Variants in ASIC2 observed in about 807,000 individuals in gnomAD.
ASIC2 encodes acid sensing ion channel subunit 2.
In ASIC2, 25 loss-of-function variants were observed where a neutral mutation model predicts 57.3. The ratio of observed to expected loss-of-function variants is 0.44; its 90% CI spans 0.32 to 0.61. The LOEUF is 0.61. Ranked by LOEUF, ASIC2 falls within the 20% of genes least tolerant of loss-of-function variation. The probability of loss-of-function intolerance (pLI) is 0.06; values close to 1 mark genes in which losing one functional copy is unlikely to be tolerated. For synonymous variants in ASIC2, 319 were observed against 307.5 expected (o/e 1.04, Z -0.39); for missense variants, 641 against 738.1 (o/e 0.87, Z 1.52).
chr17:33,490,864 A>C (rs1913733697), intron 1 of ASIC2, among the ~76,000 whole-genome samples: 1 of 152,132 alleles, frequency 6.6e-6, no homozygotes, highest in South Asian at 2.1e-4. Context: ...TTCGCCGGGG[A>C]TAATCAAAAT....
intron 2 of ASIC2, among the ~76,000 whole-genome samples, chr17:33,102,480 A>G (rs1315227244): frequency 6.6e-6 from 1 of 152,170 alleles, no homozygotes; most frequent in Non-Finnish European, 1.5e-5. Flanking sequence ...GCTATTGCAG[A>G]CAGGAGTTGG....
At chr17:33,929,863 C>T (rs1915894432) in intron 1 of ASIC2, among the ~76,000 whole-genome samples, 1 of 152,198 alleles carries the variant, frequency 6.6e-6, no homozygotes, top group Non-Finnish European at 1.5e-5. Flanking sequence ...AAAGGCTTCA[C>T]AATATCAGAA....
At chr17:33,277,464 A>T (rs1202474670) in intron 1 of ASIC2, among the ~76,000 whole-genome samples, 2 of 152,180 alleles carry the variant, frequency 1.3e-5, no homozygotes, top group Non-Finnish European at 2.9e-5. Context: ...ACTGCACCAC[A>T]TGGTTATCAT....
chr17:33,184,281 T>C (rs1292872755), intron 1 of ASIC2, among the ~76,000 whole-genome samples: 1 of 152,138 alleles, frequency 6.6e-6, no homozygotes, highest in African/African-American at 2.4e-5. Flanking sequence ...AGAACATCTC[T>C]TCCTACATAG....
At chr17:33,109,046 C>T (rs1597581705) in intron 2 of ASIC2, among the ~76,000 whole-genome samples, 1 of 152,028 alleles carries the variant, frequency 6.6e-6, no homozygotes, top group South Asian at 2.1e-4. Context: ...AAATTCAATT[C>T]CTCTGCAAAG....
intron 1 of ASIC2, among the ~76,000 whole-genome samples, chr17:33,664,929 C>T (rs1907421168): frequency 6.6e-6 from 1 of 152,172 alleles, no homozygotes; most frequent in African/African-American, 2.4e-5. Flanking sequence ...AAACCACCCT[C>T]ATCTAATCAG....
chr17:33,536,720 A>G (rs572603568), intron 1 of ASIC2, among the ~76,000 whole-genome samples: 2 of 152,270 alleles, frequency 1.3e-5, no homozygotes, highest in African/African-American at 4.8e-5. Context: ...TAAAAGTGTA[A>G]GTGAGGCCAG....
chr17:33,291,909 C>A lies in ASIC2; in HGVS notation c.207G>T (p.Leu69=), dbSNP rs750939331. Residue 69 remains leucine, a synonymous_variant, in exon 1 of 10, where the codon CTG becomes CTT. Coordinates refer to ENST00000225823, the MANE Select transcript of ASIC2 (RefSeq NM_183377.2). ...CCGTGCGCCCGGCACACATGTGCCG[C>A]AGCCCGTGCAGTTTAGCGCGGCTCA... is the stretch of plus-strand genomic sequence containing the variant. ...PSLSRAKLHG[L]RHMCAGRTAA... is the part of the protein sequence containing the mutation. 6.3e-7 allele frequency: 1 copy of A among 1,594,640 alleles called. No individual in the cohort carries two copies. The highest frequency in any genetic ancestry group is 2.3e-5 in the East Asian group (1 of 44,362).
chr17:33,544,226 C>T (rs1036956936), intron 1 of ASIC2, among the ~76,000 whole-genome samples: 1 of 152,148 alleles, frequency 6.6e-6, no homozygotes, highest in African/African-American at 2.4e-5. Context: ...TGTTCCTTTT[C>T]AGTGCTGAGT....
At chr17:33,835,450 C>A (rs1198361805) in intron 1 of ASIC2, among the ~76,000 whole-genome samples, 3 of 152,120 alleles carry the variant, frequency 2.0e-5, no homozygotes, top group African/African-American at 4.8e-5. Context: ...CACTGATAAA[C>A]CCCAGGTCAT....
intron 1 of ASIC2, chr17:34,070,566 TGGA>T (rs1379027603): frequency 4.6e-5 from 7 of 152,174 alleles, no homozygotes; most frequent in African/African-American, 1.7e-4. Context: ...AAGCAAGAGC[TGGA>T]GGAGAACTCC....
At chr17:33,391,058 A>G (rs1455156529) in intron 1 of ASIC2, among the ~76,000 whole-genome samples, 1 of 152,216 alleles carries the variant, frequency 6.6e-6, no homozygotes, top group Non-Finnish European at 1.5e-5. Context: ...AACATCTCTA[A>G]CAAGTCTTCC....
chr17:33,101,343 T>C (rs2092211404), intron 2 of ASIC2, among the ~76,000 whole-genome samples: 1 of 152,226 alleles, frequency 6.6e-6, no homozygotes, highest in African/African-American at 2.4e-5. Context: ...TTAATTATTA[T>C]TTTTATCAAA....
intron 1 of ASIC2, among the ~76,000 whole-genome samples, chr17:33,866,057 C>T (rs1914230239): frequency 6.6e-6 from 1 of 152,022 alleles, no homozygotes. Context: ...TTGTGAAATC[C>T]AATTGTGCAT....
intron 1 of ASIC2, among the ~76,000 whole-genome samples, chr17:33,618,032 G>C (rs529749474): frequency 4.6e-5 from 7 of 152,234 alleles, no homozygotes; most frequent in Non-Finnish European, 8.8e-5. Context: ...GCACATTAGA[G>C]AGTCTAGTAG....
At chr17:33,799,404 TTTC>T (rs1435981371) in intron 1 of ASIC2, among the ~76,000 whole-genome samples, 4 of 15,408 alleles carry the variant, frequency 2.6e-4, no homozygotes, top group African/African-American at 6.9e-4. Flanking sequence ...CTTTCTTTCT[TTTC>T]TTTCTTTCTT....
chr17:33,714,641 C>T (rs375282416), intron 1 of ASIC2, among the ~76,000 whole-genome samples: 7 of 152,040 alleles, frequency 4.6e-5, no homozygotes, highest in South Asian at 2.1e-4. Context: ...TCATGGATCT[C>T]GATTGCCTTT....
At chr17:33,462,576 T>C (rs911830044) in intron 1 of ASIC2, among the ~76,000 whole-genome samples, 1 of 152,248 alleles carries the variant, frequency 6.6e-6, no homozygotes, top group African/African-American at 2.4e-5. Context: ...AGCTGCCGTA[T>C]GTGGGTGCCA....
intron 2 of ASIC2, among the ~76,000 whole-genome samples, chr17:33,102,977 G>A (rs1240952970): frequency 6.6e-6 from 1 of 152,078 alleles, no homozygotes; most frequent in Non-Finnish European, 1.5e-5. Context: ...TAGAGACAGG[G>A]TTTCACCATG....
Sources: gnomAD v4.1 joint callset for allele counts (sites outside exome capture counted in the v4.1 genomes callset) on GRCh38, gnomAD v4.1.1 for gene constraint, MANE v1.5 for transcripts, NCBI Gene and HGNC (gene_info 2026-07-23, HGNC 2026-07-21) for gene names.